HSPG2: variants seen among roughly 807,000 people sequenced by gnomAD.
The protein encoded by HSPG2 is heparan sulfate proteoglycan 2.
HSPG2 carries 278 observed loss-of-function variants against 526.6 expected under a neutral mutation model. That is an observed-to-expected ratio of 0.53 (90% CI 0.48 to 0.58). The LOEUF is 0.58. Among genes scored for constraint, HSPG2 ranks in the 20% least tolerant of loss-of-function variants. HSPG2 has a pLI of 0.00. For missense variants in HSPG2, 5,354 were observed against 6,099.5 expected (o/e 0.88, Z 4.07); for synonymous variants, 2,465 against 2,555.4 (o/e 0.96, Z 1.07).
At chr1:21,853,249 C>G (rs1053672518) in intron 50 of HSPG2, among the ~76,000 whole-genome samples, 179 bp from the exon 51 acceptor site, 1 of 152,222 alleles carries the variant, frequency 6.6e-6, no homozygotes, top group African/African-American at 2.4e-5. Flanking sequence ...TTCTTCCCTC[C>G]CCAGCCTCTA....
chr1:21,825,478 A>C (rs1338172817), intron 91 of HSPG2, among the ~76,000 whole-genome samples: 1 of 152,148 alleles, frequency 6.6e-6, no homozygotes, highest in Admixed American at 6.5e-5. Flanking sequence ...ATCTTACAGA[A>C]GAGCAGGCAG....
At chr1:21,922,285 G>GC (rs1374234565) in intron 1 of HSPG2, among the ~76,000 whole-genome samples, 1 of 152,182 alleles carries the variant, frequency 6.6e-6, no homozygotes. Flanking sequence ...GCTAGGATAG[G>GC]CCTCAGGGCT....
chr1:21,851,956 G>T (rs1484567222), intron 53 of HSPG2, 30 bp from the exon 54 acceptor site: 1 of 1,604,372 alleles, frequency 6.2e-7, no homozygotes, highest in Admixed American at 1.7e-5. Context: ...GGTGTGAGGG[G>T]GGCTTCCCGG....
In HSPG2 at chr1:21,896,233, G is replaced by C; in HGVS notation, c.141C>G (p.Arg47=). ...DIETVTASQM[R]WTHSYLSDDE... is the part of the protein sequence containing the mutation. ...CATCAGAAAGGTACGAATGTGTCCA[G>C]CGCATTTGGCTTGCTGTGACGGTCT... The change falls in exon 2 of 97, where the codon CGC becomes CGG. Residue 47 remains arginine, a synonymous_variant. Coordinates refer to ENST00000374695, the MANE Select transcript of HSPG2 (RefSeq NM_005529.7). 2 of 1,613,958 alleles carry C rather than the reference G, an allele frequency of 1.2e-6. No homozygotes were observed. The highest frequency in any genetic ancestry group is 1.7e-6 in the Non-Finnish European group (2 of 1,180,002).
chr1:21,849,640 C>G lies in HSPG2; in HGVS notation c.7446+401G>C, dbSNP rs896759118. Among the ~76,000 whole-genome samples the G allele has an allele frequency of 2.0e-5, 3 of 151,304 alleles. No individual in the cohort carries two copies. The East Asian group carries it at 5.8e-4, about 29-fold the overall frequency. On this transcript the variant is annotated intron_variant, in intron 57 of 96. Transcript: ENST00000374695. ...CTAAAGTCACACAGCATGCAAGTAGCGGAACAGTGTCTGAACTCGAACATG... is the reference window on the plus strand; with the variant it reads ...CTAAAGTCACACAGCATGCAAGTAGGGGAACAGTGTCTGAACTCGAACATG...
intron 1 of HSPG2, among the ~76,000 whole-genome samples, chr1:21,917,205 G>T (rs981729248): frequency 5.9e-5 from 9 of 152,042 alleles, no homozygotes; most frequent in African/African-American, 2.2e-4. Flanking sequence ...GCTGAGACAG[G>T]TGGATTGCTT....
intron 69 of HSPG2, 118 bp downstream of exon 69, chr1:21,841,884 T>G: frequency 6.9e-7 from 1 of 1,447,754 alleles, no homozygotes; most frequent in South Asian, 1.2e-5. Context: ...AGGGCCTTAC[T>G]CAGGGCCACA....
chr1:21,827,782 G>A, intron 91 of HSPG2, 81 bp downstream of exon 91: 1 of 1,413,794 alleles, frequency 7.1e-7, no homozygotes, highest in Non-Finnish European at 9.7e-7. Context: ...TGTTTTGCTT[G>A]CAGGCCAGAA....
At position 21,881,397 on chromosome 1, in the gene HSPG2, C is replaced by A; in HGVS notation, c.1760G>T (p.Arg587Leu). 6.2e-7 allele frequency: 1 copy of A among 1,614,120 alleles called. No homozygotes were observed. The highest frequency in any genetic ancestry group is 8.5e-7 in the Non-Finnish European group (1 of 1,180,022). Reference protein sequence around the residue: ...LHEFQLVDLSRRFLVHDSFWA... With the variant: ...LHEFQLVDLSLRFLVHDSFWA... Reference sequence around the variant, plus strand: ...GAAGGAGTCGTGGACGAGGAAGCGGCGGGACAGGTCGACTAGCTGGAACTC... The same window carrying A: ...GAAGGAGTCGTGGACGAGGAAGCGGAGGGACAGGTCGACTAGCTGGAACTC... Residue 587 changes from arginine to leucine, a missense_variant, in exon 14 of 97, where the codon CGC (arginine) becomes CTC (leucine). Physicochemically the swap from Arg to Leu is moderately radical, Grantham distance 102. Transcript: ENST00000374695.
Position 21,895,592 on chromosome 1 carries a change from ACAG to A in HSPG2, c.244+327_244+329del, listed in dbSNP as rs759765919. ...CAGGAGGGCTCTGGGGAAGGACTCA[ACAG>A]CTGAGCTGCCCTGGGAGGTGAGAAC... On this transcript the variant is annotated intron_variant, in intron 3 of 96. Coordinates refer to ENST00000374695, the MANE Select transcript of HSPG2 (RefSeq NM_005529.7). This position sits in a 1 kb window ranked among gnomAD's most constrained non-coding sequence, Gnocchi z 4.1. Among the ~76,000 whole-genome samples, 4 of 152,166 alleles carry A rather than the reference ACAG, an allele frequency of 2.6e-5. No individual in the cohort carries two copies. The highest frequency in any genetic ancestry group is 5.9e-5 in the Non-Finnish European group (4 of 68,008).
intron 55 of HSPG2, 88 bp from the exon 56 acceptor site, chr1:21,850,586 G>T: frequency 1.4e-6 from 2 of 1,410,666 alleles, no homozygotes; most frequent in South Asian, 1.5e-5. Context: ...GACCCCCAAG[G>T]CCTGGCCATC....
Position 21,833,315 on chromosome 1 carries a change from T to C in HSPG2, c.11048A>G (p.Tyr3683Cys). 1 of 1,614,104 alleles carries C rather than the reference T, an allele frequency of 6.2e-7. No individual in the cohort carries two copies. Among genetic ancestry groups the C allele is most frequent in the Non-Finnish European group, 8.5e-7 (1 of 1,180,006 alleles). The change falls in exon 80 of 97, where the codon TAC (tyrosine) becomes TGC (cysteine). Residue 3683 changes from tyrosine (Y) to cysteine (C), a missense_variant. Physicochemically the swap from Tyr to Cys is radical, Grantham distance 194. Coordinates refer to ENST00000374695, the MANE Select transcript of HSPG2 (RefSeq NM_005529.7). Reference protein sequence around the residue: ...FLPLPTIKDAYRKFEIKITFR... With the variant: ...FLPLPTIKDACRKFEIKITFR... ...GGTGATCTTGATCTCGAACTTCCTG[T>C]AGGCATCCTTGATGGTGGGCAGCGG...
chr1:21,877,226 G>A (rs897869055), intron 21 of HSPG2, among the ~76,000 whole-genome samples: 3 of 152,058 alleles, frequency 2.0e-5, no homozygotes, highest in South Asian at 2.1e-4. Flanking sequence ...GAAATACAGC[G>A]ACTTGATTGA....
intron 2 of HSPG2, 75 bp downstream of exon 2, chr1:21,896,100 C>CGGG (rs1642724765): frequency 6.2e-7 from 1 of 1,606,688 alleles, no homozygotes; most frequent in East Asian, 2.2e-5. Flanking sequence ...GGTCACCCTC[C>CGGG]TCCCCCATGC....
chr1:21,851,285 T>A (rs1638874631), intron 55 of HSPG2: 9 of 558,790 alleles, frequency 1.6e-5, no homozygotes, highest in Middle Eastern at 9.8e-4. Flanking sequence ...TACGTACCAT[T>A]GTTACCATTT....
chr1:21,836,398 T>G (rs2098026339), intron 75 of HSPG2, among the ~76,000 whole-genome samples: 1 of 152,242 alleles, frequency 6.6e-6, no homozygotes, highest in Admixed American at 6.5e-5. Context: ...CTTGGCTCAC[T>G]GCAACTTCCG....
At chr1:21,900,224 G>T (rs559555582) in intron 1 of HSPG2, among the ~76,000 whole-genome samples, 1 of 152,296 alleles carries the variant, frequency 6.6e-6, no homozygotes, top group East Asian at 1.9e-4. Context: ...GCAGAGAGGG[G>T]GATTTTCCAG....
At chr1:21,915,594 A>G (rs1643870207) in intron 1 of HSPG2, among the ~76,000 whole-genome samples, 1 of 152,218 alleles carries the variant, frequency 6.6e-6, no homozygotes, top group South Asian at 2.1e-4. Flanking sequence ...TGGGACAGGG[A>G]ACCAGGGATA....
intron 49 of HSPG2, 60 bp from the exon 50 acceptor site, chr1:21,854,403 C>T: frequency 6.5e-7 from 1 of 1,538,760 alleles, no homozygotes. Context: ...GTCACCACTC[C>T]CTCAGCCTCA....
Sources: gnomAD v4.1 joint callset for allele counts (sites outside exome capture counted in the v4.1 genomes callset) on GRCh38, gnomAD v4.1.1 for gene constraint, Gnocchi (gnomAD v3.1) non-coding constraint, MANE v1.5 for transcripts, NCBI Gene and HGNC (gene_info 2026-07-23, HGNC 2026-07-21) for gene names.